Variants in TAF3 observed in about 807,000 individuals in gnomAD.
The protein encoded by TAF3 is transcription initiation factor TFIID subunit 3.
In TAF3, 7 loss-of-function variants were observed where a neutral mutation model predicts 80.6. The observed-to-expected ratio is 0.09, with a 90% CI of 0.05 to 0.16. The LOEUF (loss-of-function observed/expected upper bound fraction) is 0.16, where lower values mean the gene tolerates loss of function less well. TAF3 is among the 10% of genes least tolerant of loss of function. The probability of loss-of-function intolerance (pLI) is 1.00; values close to 1 mark genes in which losing one functional copy is unlikely to be tolerated. For missense variants in TAF3, 921 were observed against 1,140.2 expected, an observed-to-expected ratio of 0.81 and a Z score of 2.77; for synonymous variants, 444 against 446.1, an observed-to-expected ratio of 1.00 and a Z score of 0.06.
intron 2 of TAF3, among the ~76,000 whole-genome samples, chr10:7,956,742 C>T (rs1838139608): frequency 6.6e-6 from 1 of 152,094 alleles, no homozygotes; most frequent in Non-Finnish European, 1.5e-5. Context: ...ACCAGACATG[C>T]AAAACATTTG....
chr10:7,898,150 G>A (rs1358253804), intron 2 of TAF3, among the ~76,000 whole-genome samples: 2 of 152,126 alleles, frequency 1.3e-5, no homozygotes, highest in East Asian at 1.9e-4. Context: ...GAATATGGAA[G>A]TACAAATGGC....
At chr10:8,005,891 T>C (rs1831986395) in intron 4 of TAF3, among the ~76,000 whole-genome samples, 1 of 152,180 alleles carries the variant, frequency 6.6e-6, no homozygotes, top group African/African-American at 2.4e-5. Context: ...GATCACAGGC[T>C]CTAAAATCAG....
chr10:7,900,458 C>T (rs986206439), intron 2 of TAF3, among the ~76,000 whole-genome samples: 14 of 152,270 alleles, frequency 9.2e-5, no homozygotes, highest in Non-Finnish European at 1.5e-4. Context: ...TGCTACTCCT[C>T]GGTGGATGGC....
At chr10:8,006,242 G>A (rs1831992555) in intron 4 of TAF3, among the ~76,000 whole-genome samples, 1 of 150,530 alleles carries the variant, frequency 6.6e-6, no homozygotes, top group Non-Finnish European at 1.5e-5. Flanking sequence ...TGGGCGTGGT[G>A]GTGCATGCCT....
At chr10:7,936,784 TA>T (rs1286769261) in intron 2 of TAF3, among the ~76,000 whole-genome samples, 1 of 152,196 alleles carries the variant, frequency 6.6e-6, no homozygotes, top group East Asian at 1.9e-4. Context: ...ACCATTGCAG[TA>T]TCATACAGAC....
intron 2 of TAF3, among the ~76,000 whole-genome samples, chr10:7,925,133 C>T (rs148784139): frequency 2.6e-5 from 4 of 152,228 alleles, no homozygotes; most frequent in African/African-American, 9.6e-5. Context: ...TTTCTGTGAA[C>T]CTTGGGATAA....
intron 1 of TAF3, among the ~76,000 whole-genome samples, chr10:7,819,671 A>G (rs932748051): frequency 6.6e-6 from 1 of 152,228 alleles, no homozygotes; most frequent in African/African-American, 2.4e-5. Flanking sequence ...GCTCCACATT[A>G]TCTTGTTGAT....
At chr10:7,836,689 C>T (rs1836855279) in intron 2 of TAF3, among the ~76,000 whole-genome samples, 1 of 152,234 alleles carries the variant, frequency 6.6e-6, no homozygotes, top group Non-Finnish European at 1.5e-5. Context: ...CCTCTTCTCT[C>T]ATTCTCCTTC....
intron 2 of TAF3, among the ~76,000 whole-genome samples, chr10:7,939,577 TACACACACACACACACACACACACAC>T (rs71385681): frequency 7.2e-6 from 1 of 139,204 alleles, no homozygotes; most frequent in Non-Finnish European, 1.5e-5. Flanking sequence ...AGAAGAAAAC[TACACACACACACACACACACACACAC>T]ACACACACAC....
intron 2 of TAF3, among the ~76,000 whole-genome samples, chr10:7,934,961 A>G (rs1588557526): frequency 6.6e-6 from 1 of 152,312 alleles, no homozygotes; most frequent in South Asian, 2.1e-4. Context: ...GAAAAAACAC[A>G]TAAAACAATA....
intron 2 of TAF3, among the ~76,000 whole-genome samples, chr10:7,907,245 CAGCCCTTCTGCAGGG>C (rs1326867343): frequency 6.6e-6 from 1 of 152,140 alleles, no homozygotes; most frequent in Non-Finnish European, 1.5e-5. Context: ...CTCGGAATCA[CAGCCCTTCTGCAGGG>C]CTGTCATTGG....
chr10:7,830,568 C>G (rs1028932456), intron 2 of TAF3, among the ~76,000 whole-genome samples: 1 of 135,640 alleles, frequency 7.4e-6, no homozygotes, highest in Non-Finnish European at 1.5e-5. Context: ...ACTGCAAACT[C>G]CACCTCCTGG....
chr10:7,838,700 G>T (rs571198637), intron 2 of TAF3, among the ~76,000 whole-genome samples: 209 of 152,102 alleles, frequency 1.4e-3, no homozygotes, highest in African/African-American at 4.8e-3. Context: ...TTTCTTAATG[G>T]GCAGGCAGGC....
intron 4 of TAF3, among the ~76,000 whole-genome samples, chr10:7,993,459 G>A (rs760162826): frequency 9.9e-5 from 15 of 152,154 alleles, no homozygotes; most frequent in African/African-American, 2.2e-4. Flanking sequence ...GATTATAGGC[G>A]TGAGCCACCA....
At chr10:8,007,006 C>T (rs1171545726) in intron 4 of TAF3, among the ~76,000 whole-genome samples, 1 of 152,188 alleles carries the variant, frequency 6.6e-6, no homozygotes, top group East Asian at 1.9e-4. Context: ...AGTCCACAGG[C>T]TGGCAATTCC....
At chr10:7,951,539 A>G (rs530469991) in intron 2 of TAF3, among the ~76,000 whole-genome samples, 13 of 152,304 alleles carry the variant, frequency 8.5e-5, no homozygotes, top group Non-Finnish European at 1.6e-4. Flanking sequence ...GCCGCTTTCC[A>G]TGCCTCTGCT....
chr10:7,965,782 C>T, intron 3 of TAF3, 40 bp downstream of exon 3: 2 of 1,455,794 alleles, frequency 1.4e-6, no homozygotes, highest in Admixed American at 2.6e-5. Context: ...TGAACAGAGT[C>T]CTAGTGAGAA....
intron 4 of TAF3, among the ~76,000 whole-genome samples, chr10:8,004,866 C>A (rs976249189): frequency 6.6e-6 from 1 of 152,110 alleles, no homozygotes; most frequent in Non-Finnish European, 1.5e-5. Flanking sequence ...TGTTAACATT[C>A]GTCTCTGCCC....
At chr10:7,841,093 C>T (rs1209800228) in intron 2 of TAF3, among the ~76,000 whole-genome samples, 16 of 152,252 alleles carry the variant, frequency 1.1e-4, no homozygotes, top group African/African-American at 3.4e-4. Flanking sequence ...TCAGGTGATC[C>T]GCCCACCTCG....
Sources: gnomAD v4.1 joint callset for allele counts (sites outside exome capture counted in the v4.1 genomes callset) on GRCh38, gnomAD v4.1.1 for gene constraint, MANE v1.5 for transcripts, NCBI Gene and HGNC (gene_info 2026-07-23, HGNC 2026-07-21) for gene names.